The following LINGO2 variants were observed in gnomAD, a reference collection of about 807,000 sequenced individuals.
LINGO2 encodes leucine rich repeat and Ig domain containing 2.
A neutral mutation model predicts 30.6 loss-of-function variants in LINGO2; 14 were observed. The observed-to-expected ratio is 0.46, with a 90% confidence interval of 0.30 to 0.72. The LOEUF (loss-of-function observed/expected upper bound fraction) is 0.72, where lower values mean the gene tolerates loss of function less well. LINGO2 is among the 30% of genes least tolerant of loss of function. LINGO2 has a pLI of 0.07. For missense variants in LINGO2, 729 were observed against 751.7 expected (o/e 0.97, Z 0.35); for synonymous variants, 317 against 288.5 (o/e 1.10, Z -1.00).
At chr9:28,993,384 A>C in the LINGO2 span, among the ~76,000 whole-genome samples, 3 of 152,202 alleles carry the variant, frequency 2.0e-5, no homozygotes, top group Non-Finnish European at 2.9e-5. Context: ...ATAGCTTACC[A>C]TCCAAAAAGA....
chr9:28,849,194 A>G, the LINGO2 span, among the ~76,000 whole-genome samples: 12 of 151,904 alleles, frequency 7.9e-5, no homozygotes, highest in African/African-American at 2.7e-4. Flanking sequence ...AAACTTACAC[A>G]CAACAAAACA....
At chr9:28,046,983 C>A (rs937268985) in intron 4 of LINGO2, among the ~76,000 whole-genome samples, 1 of 152,090 alleles carries the variant, frequency 6.6e-6, no homozygotes, top group African/African-American at 2.4e-5. Context: ...AGCATCCTGG[C>A]TGCAAGATAA....
chr9:28,239,372 A>G (rs1821695749), intron 4 of LINGO2, among the ~76,000 whole-genome samples: 1 of 152,142 alleles, frequency 6.6e-6, no homozygotes. Context: ...ATGAATATTG[A>G]TTCAAAAATA....
chr9:28,015,758 A>G (rs115647327), intron 4 of LINGO2, among the ~76,000 whole-genome samples: 1,594 of 151,402 alleles, frequency 0.011, 33 homozygotes, highest in African/African-American at 0.037. Flanking sequence ...CCTCAAAACA[A>G]CCTGAGACTC....
exon 6 of LINGO2, chr9:27,948,818 T>C (rs1823471515): frequency 6.4e-7 from 1 of 1,572,154 alleles, no homozygotes; most frequent in East Asian, 2.2e-5. Context: ...TTACCCACAT[T>C]GACAAAGAGA....
intron 4 of LINGO2, among the ~76,000 whole-genome samples, chr9:28,273,230 T>C (rs1451854389): frequency 6.6e-6 from 1 of 152,226 alleles, no homozygotes. Context: ...CTTTATTTTA[T>C]ACCCAAGAGT....
intron 1 of LINGO2, among the ~76,000 whole-genome samples, chr9:28,563,724 C>A (rs182579733): frequency 2.0e-5 from 3 of 152,244 alleles, no homozygotes; most frequent in Non-Finnish European, 4.4e-5. Flanking sequence ...GAAAAATCAT[C>A]TAAATGATAT....
At chr9:28,608,668 T>C (rs530627691) in intron 1 of LINGO2, among the ~76,000 whole-genome samples, 1 of 152,118 alleles carries the variant, frequency 6.6e-6, no homozygotes, top group Admixed American at 6.6e-5. Context: ...GTAGGTCTTT[T>C]CCAAAATGAA....
chr9:28,963,543 T>TACACACACACACAC, the LINGO2 span, among the ~76,000 whole-genome samples: 2,334 of 140,812 alleles, frequency 0.017, 50 homozygotes, highest in African/African-American at 0.05. Flanking sequence ...GGTATATGAA[T>TACACACACACACAC]ACACACACAC....
intron 4 of LINGO2, among the ~76,000 whole-genome samples, chr9:28,238,614 A>C (rs1821664906): frequency 6.6e-6 from 1 of 152,146 alleles, no homozygotes; most frequent in South Asian, 2.1e-4. Flanking sequence ...TGGAAACACA[A>C]CATGCCAAAA....
chr9:29,074,678 C>CT, the LINGO2 span, among the ~76,000 whole-genome samples: 1,805 of 88,020 alleles, frequency 0.021, 22 homozygotes, highest in Non-Finnish European at 0.025. Context: ...AAATTACTTA[C>CT]TTTTTTTTTT....
chr9:28,231,061 A>G (rs1821338205), intron 4 of LINGO2, among the ~76,000 whole-genome samples: 2 of 151,954 alleles, frequency 1.3e-5, no homozygotes, highest in African/African-American at 4.8e-5. Context: ...ATACTAATAT[A>G]TAATATAGAG....
chr9:28,120,448 G>A (rs1827062074), intron 4 of LINGO2, among the ~76,000 whole-genome samples: 1 of 152,140 alleles, frequency 6.6e-6, no homozygotes, highest in African/African-American at 2.4e-5. Flanking sequence ...AATTTCTAGT[G>A]GCTGAATGCC....
chr9:28,156,697 GT>G (rs1170239471), intron 4 of LINGO2, among the ~76,000 whole-genome samples: 2 of 152,190 alleles, frequency 1.3e-5, no homozygotes, highest in Non-Finnish European at 2.9e-5. Flanking sequence ...TCAAAAGCAA[GT>G]TAGTTACTTC....
the LINGO2 span, among the ~76,000 whole-genome samples, chr9:29,111,576 TAAC>T: frequency 6.6e-6 from 1 of 151,938 alleles, no homozygotes; most frequent in Non-Finnish European, 1.5e-5. Flanking sequence ...AGTTTTTAAA[TAAC>T]AACCTATATA....
the LINGO2 span, among the ~76,000 whole-genome samples, chr9:28,708,214 T>C: frequency 2.6e-5 from 4 of 152,114 alleles, no homozygotes; most frequent in African/African-American, 9.7e-5. Flanking sequence ...GGCATTAATA[T>C]CTAGAAATAT....
chr9:28,712,670 C>T, the LINGO2 span, among the ~76,000 whole-genome samples: 1 of 151,328 alleles, frequency 6.6e-6, no homozygotes, highest in South Asian at 2.1e-4. Flanking sequence ...GCATATAATA[C>T]TAGATGTTAC....
At chr9:29,160,717 T>A in the LINGO2 span, among the ~76,000 whole-genome samples, 1 of 152,192 alleles carries the variant, frequency 6.6e-6, no homozygotes, top group African/African-American at 2.4e-5. Context: ...TCCTAAAGAA[T>A]AGAGATAATT....
chr9:28,035,893 A>AACAC (rs111851787), intron 4 of LINGO2, among the ~76,000 whole-genome samples: 9,252 of 149,244 alleles, frequency 0.062, 332 homozygotes, highest in Non-Finnish European at 0.077. Flanking sequence ...CACACACACA[A>AACAC]ACACACACAC....
Sources: allele counts gnomAD v4.1 joint callset (sites outside exome capture counted in the v4.1 genomes callset), GRCh38; gene constraint gnomAD v4.1.1; transcripts MANE v1.5; gene names NCBI Gene and HGNC (gene_info 2026-07-23, HGNC 2026-07-21).